SCIN: variants seen among roughly 807,000 people sequenced by gnomAD.
The protein encoded by SCIN is scinderin.
A neutral mutation model predicts 91.8 loss-of-function variants in SCIN; 91 were observed. That is an observed-to-expected ratio of 0.99 (90% CI 0.84 to 1.18). SCIN has a LOEUF of 1.18. SCIN is among the 50% of genes most tolerant of loss of function. The pLI is 0.00. For missense variants in SCIN, 1,087 were observed against 863.9 expected, an observed-to-expected ratio of 1.26 and a Z score of -3.24; for synonymous variants, 367 against 312.6, an observed-to-expected ratio of 1.17 and a Z score of -1.84.
chr7:12,629,234 C>G lies in SCIN; in HGVS notation c.1319+12C>G. The G allele has an allele frequency of 6.3e-7, 1 of 1,594,134 alleles. No individual in the cohort carries two copies. Among genetic ancestry groups the G allele is most frequent in the South Asian group, 1.2e-5 (1 of 86,586 alleles). ...ATTATCTACACGTGGTGAGTTTATA[C>G]GGGTAAAGATCTCGAGTTCCACAGG... On this transcript the variant is annotated intron_variant, in intron 9 of 15. Coordinates refer to ENST00000297029, the MANE Select transcript of SCIN (RefSeq NM_001112706.3).
chr7:12,589,240 G>A (rs866606843), intron 3 of SCIN, among the ~76,000 whole-genome samples: 28 of 135,132 alleles, frequency 2.1e-4, no homozygotes, highest in Non-Finnish European at 2.0e-4. Context: ...TTTTTGAGAT[G>A]GAGTCTTGCT....
intron 9 of SCIN, among the ~76,000 whole-genome samples, chr7:12,634,945 G>T (rs1414800423): frequency 4.6e-5 from 7 of 152,106 alleles, no homozygotes. Context: ...CTAGCACTTT[G>T]GGAGGCCGAG....
chr7:12,625,451 T>TTTTTTC (rs1554295412), intron 6 of SCIN, among the ~76,000 whole-genome samples: 1 of 146,636 alleles, frequency 6.8e-6, no homozygotes, highest in Admixed American at 6.8e-5. Context: ...TTTTTTTTTT[T>TTTTTTC]CCGTCGCCCA....
chr7:12,639,134 A>T (rs1002364306), intron 10 of SCIN, among the ~76,000 whole-genome samples: 8 of 152,354 alleles, frequency 5.3e-5, no homozygotes, highest in African/African-American at 1.9e-4. Context: ...ACCATATTGA[A>T]CATATTTTAA....
intron 8 of SCIN, among the ~76,000 whole-genome samples, chr7:12,627,401 G>A (rs1689785786): frequency 6.6e-6 from 1 of 151,968 alleles, no homozygotes; most frequent in African/African-American, 2.4e-5. Context: ...CGCTGAAGTG[G>A]CCTTTCTCTG....
rs1243152280 is a variant in SCIN at position 12,619,423 on chromosome 7, G to A, written c.667-3378G>A. On this transcript the variant is annotated intron_variant, in intron 4 of 15. Coordinates refer to ENST00000297029, the MANE Select transcript of SCIN (RefSeq NM_001112706.3). ...AGAGGTACATGCTGTGAAAAACTAA[G>A]GATTAAGAGAGTAAAAGAGTATAGC... Among the ~76,000 whole-genome samples the A allele has an allele frequency of 5.3e-5, 8 of 152,166 alleles. No individual in the cohort carries two copies. The South Asian group carries it at 1.7e-3, about 32-fold the overall frequency.
intron 4 of SCIN, among the ~76,000 whole-genome samples, chr7:12,613,824 T>G (rs1583299785): frequency 6.6e-6 from 1 of 152,188 alleles, no homozygotes; most frequent in Non-Finnish European, 1.5e-5. Flanking sequence ...AATATAGTAT[T>G]CTGCTCAGTG....
chr7:12,658,122 A>G lies in SCIN; in HGVS notation c.*5407A>G, dbSNP rs1045273253. The G allele has an allele frequency of 6.6e-6, 1 of 152,230 alleles. No homozygotes were observed. Among genetic ancestry groups the G allele is most frequent in the Admixed American group, 6.5e-5 (1 of 15,284 alleles). The allele number at this position is 152,230 out of a possible 1,614,324, so 9.4% of individuals were successfully genotyped here. ...TGTGACTCAATCTAAGGTTTTAATAATTCATGAAATAAAACTAATGTTGAT... is the reference window on the plus strand; with the variant it reads ...TGTGACTCAATCTAAGGTTTTAATAGTTCATGAAATAAAACTAATGTTGAT... On this transcript the variant is annotated 3_prime_UTR_variant, in exon 16 of 16. Transcript: ENST00000297029.
intron 4 of SCIN, among the ~76,000 whole-genome samples, chr7:12,616,376 C>T (rs1243621362): frequency 1.3e-5 from 2 of 152,074 alleles, no homozygotes; most frequent in Non-Finnish European, 2.9e-5. Flanking sequence ...GTGAGTTTGG[C>T]CCCTTCTTGC....
rs1303228576 is a variant in SCIN, at chr7:12,659,445, G to A, written c.*6730G>A. ...TGAAAGCAGGAGATTCCCTTAACTGGTGATGCCTGAAGTTGGGATAAAGAG... is the reference window on the plus strand; with the variant it reads ...TGAAAGCAGGAGATTCCCTTAACTGATGATGCCTGAAGTTGGGATAAAGAG... On this transcript the variant is annotated 3_prime_UTR_variant, in exon 16 of 16. Coordinates refer to ENST00000297029, the MANE Select transcript of SCIN (RefSeq NM_001112706.3). 6.6e-6 allele frequency: 1 copy of A among 152,152 alleles called. No individual in the cohort carries two copies. Among genetic ancestry groups the A allele is most frequent in the African/African-American group, 2.4e-5 (1 of 41,436 alleles). 9.4% of individuals were successfully genotyped at this position (152,152 alleles called of 1,614,324 possible). A position where few individuals can be genotyped will look rare whatever the true frequency, so the allele number is the denominator to read the frequency against.
intron 3 of SCIN, among the ~76,000 whole-genome samples, chr7:12,603,168 A>G (rs113921579): frequency 6.9e-4 from 104 of 151,674 alleles, no homozygotes; most frequent in African/African-American, 2.4e-3. Context: ...TTTTTGAGAC[A>G]GTGTCTCGCT....
chr7:12,633,314 C>T (rs868562333), intron 9 of SCIN, among the ~76,000 whole-genome samples: 3 of 152,236 alleles, frequency 2.0e-5, no homozygotes, highest in African/African-American at 4.8e-5. Context: ...AGTAGTAACT[C>T]CCATTTTTAC....
In SCIN at chr7:12,581,118, G is replaced by A; in HGVS notation, c.413G>A (p.Arg138Lys). Residue 138 changes from arginine to lysine, a missense_variant, in exon 3 of 16, where the codon AGG becomes AAG. Coordinates refer to ENST00000297029, the MANE Select transcript of SCIN (RefSeq NM_001112706.3). ...CTTACGAACGACCTGACAGCCAAGA[G>A]GCTCCTACATGTGAAGGGTCGTAGA... ...HVLTNDLTAKRLLHVKGRRVV... is the reference protein window; with the variant it reads ...HVLTNDLTAKKLLHVKGRRVV... The A allele has an allele frequency of 6.4e-7, 1 of 1,551,442 alleles. No individual in the cohort carries two copies. The highest frequency in any genetic ancestry group is 8.7e-7 in the Non-Finnish European group (1 of 1,146,816).
chr7:12,629,157 A>G lies in SCIN; in HGVS notation c.1254A>G (p.Glu418=), dbSNP rs757677217. The stretch of plus-strand genomic sequence containing the variant: ...AAGTTGACCAAAACTCATATGGTGA[A>G]TTCTATGGTGGTGACTGCTACATCA... ...RIQVDQNSYG[E]FYGGDCYIIL... The change falls in exon 9 of 16, where the codon GAA becomes GAG. Residue 418 remains glutamate, a synonymous_variant. Transcript: ENST00000297029. 1 of 1,613,348 alleles carries G rather than the reference A, an allele frequency of 6.2e-7. No homozygotes were observed. Among genetic ancestry groups the G allele is most frequent in the East Asian group, 2.2e-5 (1 of 44,822 alleles).
intron 4 of SCIN, among the ~76,000 whole-genome samples, chr7:12,618,662 T>C (rs849799): frequency 0.1 from 15,936 of 152,150 alleles, 893 homozygotes; most frequent in Middle Eastern, 0.16. Flanking sequence ...ATATTTGTCT[T>C]ACCTAAGGCA....
rs1456312056 is a variant in SCIN at position 12,604,614 on chromosome 7, C to G, written c.617C>G (p.Ser206Cys). The change falls in exon 4 of 16, where the codon TCT becomes TGT. Residue 206 changes from serine (S) to cysteine (C), a missense_variant. By Grantham distance (112) the Ser-to-Cys change is moderately radical (BLOSUM62 -1). Transcript: ENST00000297029. ...GIRYNERKGR[S>C]ELIVVEEGSE... is the part of the protein sequence containing the mutation. ...CGGTACAATGAAAGGAAAGGAAGGT[C>G]TGAACTAATTGTCGTGGAAGAAGGA... is the stretch of plus-strand genomic sequence containing the variant. The G allele has an allele frequency of 5.2e-6, 8 of 1,552,032 alleles. No homozygotes were observed. Among genetic ancestry groups the G allele is most frequent in the Non-Finnish European group, 7.0e-6 (8 of 1,147,092 alleles).
chr7:12,575,760 C>T (rs906703098), intron 1 of SCIN, among the ~76,000 whole-genome samples: 1 of 151,624 alleles, frequency 6.6e-6, no homozygotes, highest in African/African-American at 2.4e-5. Context: ...TAAGCAGATT[C>T]GTAGGGGAAA....
intron 3 of SCIN, among the ~76,000 whole-genome samples, chr7:12,588,017 G>A (rs921396770): frequency 1.3e-5 from 2 of 152,146 alleles, no homozygotes; most frequent in Non-Finnish European, 2.9e-5. Context: ...TTAAAACTAT[G>A]TTGGCTTTCA....
At chr7:12,609,829 C>T (rs1783155374) in intron 4 of SCIN, among the ~76,000 whole-genome samples, 1 of 151,880 alleles carries the variant, frequency 6.6e-6, no homozygotes, top group African/African-American at 2.4e-5. Context: ...GACTGTAAGG[C>T]TCTCTGGAAA....
Sources: gnomAD v4.1 joint callset for allele counts (sites outside exome capture counted in the v4.1 genomes callset) on GRCh38, gnomAD v4.1.1 for gene constraint, MANE v1.5 for transcripts, NCBI Gene and HGNC (gene_info 2026-07-23, HGNC 2026-07-21) for gene names.